SDK1: variants seen among roughly 807,000 people sequenced by gnomAD.
SDK1 encodes the protein sidekick cell adhesion molecule 1, also known as protein sidekick-1.
SDK1 carries 157 observed loss-of-function variants against 245.5 expected under a neutral mutation model. The ratio of observed to expected loss-of-function variants is 0.64; its 90% CI spans 0.56 to 0.73. The LOEUF (loss-of-function observed/expected upper bound fraction) is 0.73, where lower values mean the gene tolerates loss of function less well. Among genes scored for constraint, SDK1 ranks in the 30% least tolerant of loss-of-function variants. The pLI is 0.00. For missense variants in SDK1, 3,583 were observed against 3,002.3 expected (o/e 1.19, Z -4.52); for synonymous variants, 1,647 against 1,278.5 (o/e 1.29, Z -6.15).
At chr7:3,824,502 C>G (rs1039017708) in intron 5 of SDK1, among the ~76,000 whole-genome samples, 1 of 152,122 alleles carries the variant, frequency 6.6e-6, no homozygotes. Flanking sequence ...ATCGGAGTGT[C>G]ATGCAGCCCC....
At chr7:4,065,850 A>G (rs1461765460) in intron 19 of SDK1, among the ~76,000 whole-genome samples, 1 of 152,034 alleles carries the variant, frequency 6.6e-6, no homozygotes, top group African/African-American at 2.4e-5. Context: ...TGAGGCTGGC[A>G]GTAACCAGAA....
chr7:3,524,183 C>T (rs1783040324), intron 1 of SDK1, among the ~76,000 whole-genome samples: 1 of 152,152 alleles, frequency 6.6e-6, no homozygotes, highest in African/African-American at 2.4e-5. Context: ...GCATTAATTG[C>T]TTGAGGTATG....
chr7:4,034,259 A>T (rs893828235), intron 17 of SDK1, among the ~76,000 whole-genome samples: 1 of 152,234 alleles, frequency 6.6e-6, no homozygotes, highest in African/African-American at 2.4e-5. Context: ...AAGAGACATG[A>T]TTCCTAAATG....
At chr7:3,644,369 T>C (rs1213295188) in intron 4 of SDK1, among the ~76,000 whole-genome samples, 1 of 151,876 alleles carries the variant, frequency 6.6e-6, no homozygotes, top group African/African-American at 2.4e-5. Context: ...TACTTAGGTA[T>C]CCACCTTTAT....
rs535126328 is a variant in SDK1 at position 3,833,236 on chromosome 7, A to G, written c.847+11653A>G. Among the ~76,000 whole-genome samples, 161 of 152,310 alleles carry G rather than the reference A, an allele frequency of 1.1e-3. 1 individual carries two copies. Among genetic ancestry groups the G allele is most frequent in the African/African-American group, 3.2e-3 (134 of 41,592 alleles). On this transcript the variant is annotated intron_variant, in intron 5 of 44. Coordinates refer to ENST00000404826, the MANE Select transcript of SDK1 (RefSeq NM_152744.4). ...TTAAAGAGTAGGAGTCAGAGCTGAC[A>G]TAAGTCAGTAATGGCGAGCATCCGG...
chr7:4,113,462 G>T (rs375897818), intron 24 of SDK1, 23 bp downstream of exon 24: 17 of 1,612,244 alleles, frequency 1.1e-5, no homozygotes, highest in Non-Finnish European at 1.4e-5. Context: ...GAGAAGGGAG[G>T]CTGGAGGCAC....
At position 3,584,881 on chromosome 7, in the gene SDK1, A is replaced by C. The variant is rs112168930; in HGVS notation, c.299-34199A>C. Among the ~76,000 whole-genome samples, 42 of 151,852 alleles carry C rather than the reference A, an allele frequency of 2.8e-4. 1 individual carries two copies. The highest frequency in any genetic ancestry group is 7.9e-4 in the Admixed American group (12 of 15,248). ...TGGGACTACAGGTGCCTGCCATCAC[A>C]CCTGGCTAATTTTTTTGTATTTTTA... On this transcript the variant is annotated intron_variant, in intron 1 of 44. Coordinates refer to ENST00000404826, the MANE Select transcript of SDK1 (RefSeq NM_152744.4).
At chr7:3,699,913 T>C (rs753774622) in intron 4 of SDK1, among the ~76,000 whole-genome samples, 5 of 152,122 alleles carry the variant, frequency 3.3e-5, no homozygotes, top group Non-Finnish European at 5.9e-5. Context: ...GTTAAACTTC[T>C]AGAACTAAGG....
intron 17 of SDK1, among the ~76,000 whole-genome samples, chr7:4,029,295 T>C (rs892656882): frequency 4.1e-5 from 6 of 146,978 alleles, no homozygotes; most frequent in Admixed American, 6.8e-5. Flanking sequence ...CACTGCATCA[T>C]CCACTTCTTG....
At chr7:4,252,827 C>A (rs1322123124) in intron 44 of SDK1, among the ~76,000 whole-genome samples, 1 of 148,954 alleles carries the variant, frequency 6.7e-6, no homozygotes, top group Non-Finnish European at 1.5e-5. Context: ...TTCCGTTTCC[C>A]CCCCCCTCTT....
At chr7:3,379,610 G>C (rs1013314525) in intron 1 of SDK1, among the ~76,000 whole-genome samples, 1 of 152,162 alleles carries the variant, frequency 6.6e-6, no homozygotes, top group Non-Finnish European at 1.5e-5. Context: ...TCTGTTTAAT[G>C]GGATTTGGGA....
intron 1 of SDK1, among the ~76,000 whole-genome samples, chr7:3,510,147 G>A (rs947696402): frequency 6.6e-6 from 1 of 152,158 alleles, no homozygotes; most frequent in Non-Finnish European, 1.5e-5. Flanking sequence ...TGTTCCCAGT[G>A]CCTGGACCTG....
In SDK1 at chr7:3,882,610, C is replaced by T. The variant is rs73294606; in HGVS notation, c.847+61027C>T. On this transcript the variant is annotated intron_variant, in intron 5 of 44. Transcript: ENST00000404826. ...TTGTACCATCTTTGAGAGAAGTGTA[C>T]ATGGAGCCAGTGTAGAATGTAAATA... 9.5e-3 allele frequency among the ~76,000 whole-genome samples: 1,450 copies of T among 152,274 alleles called. 21 individuals carry two copies. The highest frequency in any genetic ancestry group is 0.033 in the African/African-American group (1,386 of 41,540).
intron 1 of SDK1, among the ~76,000 whole-genome samples, chr7:3,511,012 G>T (rs1782560589): frequency 6.6e-6 from 1 of 152,184 alleles, no homozygotes; most frequent in East Asian, 1.9e-4. Context: ...AGTGTAGGGG[G>T]ACGAGGGTGA....
intron 4 of SDK1, among the ~76,000 whole-genome samples, chr7:3,817,326 A>C (rs566879459): frequency 6.6e-6 from 1 of 152,260 alleles, no homozygotes; most frequent in South Asian, 2.1e-4. Context: ...TTGTAAGTAC[A>C]CCCAATCGAA....
At chr7:4,217,564 C>G (rs1172678934) in intron 38 of SDK1, among the ~76,000 whole-genome samples, 4 of 133,958 alleles carry the variant, frequency 3.0e-5, no homozygotes, top group Admixed American at 2.3e-4. Flanking sequence ...CGGAGAACCA[C>G]ACCACCCGGA....
In SDK1 at chr7:4,267,080, G is replaced by C; in HGVS notation, c.*1696G>C. On this transcript the variant is annotated 3_prime_UTR_variant, in exon 45 of 45. Transcript: ENST00000404826. ...CTGTGCTGTCAGCGTTGCTGAGTAT[G>C]GCCCCAGGAGACCAAGGAGAGTTTT... 1.0e-5 allele frequency: 10 copies of C among 985,446 alleles called. No individual in the cohort carries two copies. The highest frequency in any genetic ancestry group is 1.2e-5 in the Non-Finnish European group (10 of 829,944). 61.0% of individuals were successfully genotyped at this position (985,446 alleles called of 1,614,324 possible).
intron 1 of SDK1, among the ~76,000 whole-genome samples, chr7:3,324,303 C>G (rs1779889182): frequency 6.6e-6 from 1 of 152,070 alleles, no homozygotes; most frequent in African/African-American, 2.4e-5. Context: ...GATAAATTTT[C>G]ACAAAGAGAC....
intron 4 of SDK1, among the ~76,000 whole-genome samples, chr7:3,679,136 A>C (rs1380057550): frequency 6.6e-6 from 1 of 152,260 alleles, no homozygotes; most frequent in African/African-American, 2.4e-5. Context: ...GCTCTGGGAC[A>C]GATGCTGCAA....
Sources: gnomAD v4.1 joint callset for allele counts (sites outside exome capture counted in the v4.1 genomes callset) on GRCh38, gnomAD v4.1.1 for gene constraint, MANE v1.5 for transcripts, NCBI Gene and HGNC (gene_info 2026-07-23, HGNC 2026-07-21) for gene names.